The following SLIT3 variants were observed in gnomAD, a reference collection of about 807,000 sequenced individuals.
SLIT3 encodes slit homolog 3 protein.
Under a neutral mutation model 184.0 loss-of-function variants are expected in SLIT3, and 68 were observed. The observed-to-expected ratio is 0.37, with a 90% CI of 0.30 to 0.45. The LOEUF is 0.45. Among genes scored for constraint, SLIT3 ranks in the 20% least tolerant of loss-of-function variants. The probability of loss-of-function intolerance (pLI) is 1.00; values close to 1 mark genes in which losing one functional copy is unlikely to be tolerated. For synonymous variants in SLIT3, 831 were observed against 828.6 expected, an observed-to-expected ratio of 1.00 and a Z score of -0.05; for missense variants, 1,707 against 2,026.0, an observed-to-expected ratio of 0.84 and a Z score of 3.02.
At chr5:168,908,927 C>A (rs148057468) in intron 4 of SLIT3, among the ~76,000 whole-genome samples, 107 of 152,278 alleles carry the variant, frequency 7.0e-4, no homozygotes, top group African/African-American at 2.4e-3. Context: ...ATAAGAGGGT[C>A]CTGAAAAATG....
At chr5:168,856,390 C>G (rs1428741998) in intron 5 of SLIT3, among the ~76,000 whole-genome samples, 1 of 152,136 alleles carries the variant, frequency 6.6e-6, no homozygotes, top group African/African-American at 2.4e-5. Flanking sequence ...CTGATTCTAT[C>G]TGGGTGTGAG....
At chr5:168,949,782 G>A (rs1208671983) in intron 4 of SLIT3, among the ~76,000 whole-genome samples, 1 of 151,956 alleles carries the variant, frequency 6.6e-6, no homozygotes, top group Non-Finnish European at 1.5e-5. Flanking sequence ...TGTAGAAATG[G>A]GCTCTCACTA....
intron 4 of SLIT3, among the ~76,000 whole-genome samples, chr5:168,923,043 G>C (rs962370429): frequency 6.6e-6 from 1 of 152,186 alleles, no homozygotes; most frequent in Non-Finnish European, 1.5e-5. Flanking sequence ...ACCAGATCAT[G>C]TGCTTGACTA....
chr5:168,983,785 G>A (rs970225628), intron 4 of SLIT3, among the ~76,000 whole-genome samples: 31 of 152,156 alleles, frequency 2.0e-4, no homozygotes, highest in African/African-American at 7.5e-4. Context: ...GGTATGATAC[G>A]AGCAGAGAAA....
intron 25 of SLIT3, among the ~76,000 whole-genome samples, chr5:168,710,589 C>T (rs993764663): frequency 1.3e-5 from 2 of 151,266 alleles, no homozygotes; most frequent in African/African-American, 2.4e-5. Flanking sequence ...CATAGTGAGA[C>T]CTTGTCTCTA....
chr5:168,917,879 A>T (rs982312162), intron 4 of SLIT3, among the ~76,000 whole-genome samples: 10 of 152,226 alleles, frequency 6.6e-5, no homozygotes, highest in Admixed American at 6.5e-4. Context: ...ACCAACTCTG[A>T]CTTAAAACAA....
chr5:169,201,978 T>C (rs1763915681), intron 3 of SLIT3, among the ~76,000 whole-genome samples: 1 of 102,432 alleles, frequency 9.8e-6, no homozygotes, highest in Non-Finnish European at 2.2e-5. Flanking sequence ...ATGCCTACAG[T>C]CCTGGCACTT....
intron 4 of SLIT3, among the ~76,000 whole-genome samples, chr5:168,989,621 C>T (rs546729614): frequency 2.6e-5 from 4 of 152,338 alleles, no homozygotes; most frequent in African/African-American, 7.2e-5. Flanking sequence ...TGGTAACCAA[C>T]ATCCACCAGA....
chr5:168,802,343 C>T (rs1581098120), intron 9 of SLIT3, among the ~76,000 whole-genome samples: 1 of 152,024 alleles, frequency 6.6e-6, no homozygotes, highest in Non-Finnish European at 1.5e-5. Flanking sequence ...GAAGCAGGAT[C>T]CCCCCTCCAA....
At chr5:169,142,381 G>T (rs776613574) in intron 4 of SLIT3, among the ~76,000 whole-genome samples, 21 of 152,162 alleles carry the variant, frequency 1.4e-4, no homozygotes, top group Non-Finnish European at 2.9e-4. Flanking sequence ...GCCCTGCCAA[G>T]CAGGGACTTG....
At chr5:168,891,425 C>T (rs984326150) in intron 4 of SLIT3, among the ~76,000 whole-genome samples, 4 of 152,196 alleles carry the variant, frequency 2.6e-5, no homozygotes, top group Non-Finnish European at 5.9e-5. Flanking sequence ...GAAAACCAAG[C>T]ACTTTGTCCT....
At chr5:168,941,350 G>A (rs1210973146) in intron 4 of SLIT3, among the ~76,000 whole-genome samples, 1 of 152,094 alleles carries the variant, frequency 6.6e-6, no homozygotes, top group Non-Finnish European at 1.5e-5. Context: ...ATACTCCCTA[G>A]GTTAGGTCAT....
At chr5:169,276,773 C>T (rs947875720) in intron 1 of SLIT3, among the ~76,000 whole-genome samples, 2 of 152,314 alleles carry the variant, frequency 1.3e-5, no homozygotes, top group East Asian at 1.9e-4. Flanking sequence ...TGTGCATCTA[C>T]TATAGGCTGG....
At chr5:169,048,263 G>T (rs186709425) in intron 4 of SLIT3, among the ~76,000 whole-genome samples, 2 of 152,140 alleles carry the variant, frequency 1.3e-5, no homozygotes, top group African/African-American at 4.8e-5. Context: ...ATCCTTAAAC[G>T]GAGAATCATA....
chr5:168,698,398 A>T (rs1179981491), intron 27 of SLIT3, among the ~76,000 whole-genome samples: 2 of 152,162 alleles, frequency 1.3e-5, no homozygotes, highest in African/African-American at 4.8e-5. Context: ...GAAAGCAGAC[A>T]CAGAGAGAGC....
intron 27 of SLIT3, 89 bp from the exon 28 acceptor site, chr5:168,696,520 A>G (rs1762070513): frequency 5.4e-6 from 8 of 1,492,098 alleles, no homozygotes; most frequent in Non-Finnish European, 7.4e-6. Context: ...ACGGGTGGGA[A>G]ATACAATTAG....
intron 14 of SLIT3, among the ~76,000 whole-genome samples, chr5:168,763,880 T>C (rs368859836): frequency 1.8e-4 from 27 of 152,338 alleles, no homozygotes; most frequent in African/African-American, 6.0e-4. Flanking sequence ...CACCTGAGTG[T>C]CCTGTACATG....
intron 2 of SLIT3, among the ~76,000 whole-genome samples, chr5:169,249,460 G>C (rs1362261499): frequency 6.6e-6 from 1 of 152,156 alleles, no homozygotes; most frequent in Non-Finnish European, 1.5e-5. Context: ...TTTGCAGAAA[G>C]CAGATATGAA....
chr5:168,811,712 C>A (rs1757162109), intron 8 of SLIT3, among the ~76,000 whole-genome samples: 1 of 152,210 alleles, frequency 6.6e-6, no homozygotes, highest in Non-Finnish European at 1.5e-5. Context: ...AGACAAAAAA[C>A]AACAAATGCT....
Sources: allele counts gnomAD v4.1 joint callset (sites outside exome capture counted in the v4.1 genomes callset), GRCh38; gene constraint gnomAD v4.1.1; transcripts MANE v1.5; gene names NCBI Gene and HGNC (gene_info 2026-07-23, HGNC 2026-07-21).